Variants in CRPPA observed in about 807,000 individuals in gnomAD.
The protein encoded by CRPPA is D-ribitol-5-phosphate cytidylyltransferase.
Under a neutral mutation model 52.0 loss-of-function variants are expected in CRPPA, and 43 were observed. That is an observed-to-expected ratio of 0.83 (90% CI 0.65 to 1.07). The LOEUF (loss-of-function observed/expected upper bound fraction) is 1.07. Ranked by LOEUF, CRPPA falls within the 50% of genes least tolerant of loss-of-function variation. The probability of loss-of-function intolerance (pLI) is 0.00; values close to 1 mark genes in which losing one functional copy is unlikely to be tolerated. For missense variants in CRPPA, 629 were observed against 551.7 expected (o/e 1.14, Z -1.40); for synonymous variants, 250 against 203.5 (o/e 1.23, Z -1.94).
intron 9 of CRPPA, among the ~76,000 whole-genome samples, chr7:16,203,752 A>C (rs1781909246): frequency 6.6e-6 from 1 of 152,180 alleles, no homozygotes; most frequent in Non-Finnish European, 1.5e-5. Context: ...TTTGCCATTA[A>C]GAAGTCCCAA....
chr7:16,112,718 G>C (rs1360862932), intron 9 of CRPPA, among the ~76,000 whole-genome samples: 2 of 152,136 alleles, frequency 1.3e-5, no homozygotes, highest in African/African-American at 4.8e-5. Context: ...GGGGGGAACT[G>C]TTTAGAAACT....
rs1275686776 is a variant in CRPPA, at chr7:16,133,669, C to T, written c.1252-41870G>A. Among the ~76,000 whole-genome samples, 2 of 123,758 alleles carry T rather than the reference C, an allele frequency of 1.6e-5. 1 individual carries two copies. The highest frequency in any genetic ancestry group is 5.2e-5 in the African/African-American group (2 of 38,196). The allele number at this position is 123,758 out of a possible 152,430, so 81.2% of individuals were successfully genotyped here. ...GTTTAGTCTAATACTGTAAACCTTGCATAACACCATGGGAGCCATACAAAG... is the reference window on the plus strand; with the variant it reads ...GTTTAGTCTAATACTGTAAACCTTGTATAACACCATGGGAGCCATACAAAG... On this transcript the variant is annotated intron_variant, in intron 9 of 9. Transcript: ENST00000407010.
At chr7:16,347,743 G>A (rs1786051641) in intron 3 of CRPPA, among the ~76,000 whole-genome samples, 1 of 152,164 alleles carries the variant, frequency 6.6e-6, no homozygotes, top group Admixed American at 6.5e-5. Context: ...CTCAGGCACA[G>A]ATTCTTCCAT....
At chr7:16,358,643 T>C (rs1786366394) in intron 3 of CRPPA, among the ~76,000 whole-genome samples, 1 of 152,182 alleles carries the variant, frequency 6.6e-6, no homozygotes, top group South Asian at 2.1e-4. Flanking sequence ...TGAAGAATAC[T>C]ATAAGCAGAA....
chr7:16,399,204 A>G (rs1787717415), intron 2 of CRPPA, among the ~76,000 whole-genome samples: 1 of 152,222 alleles, frequency 6.6e-6, no homozygotes, highest in Non-Finnish European at 1.5e-5. Context: ...TGACATGACC[A>G]ACACATTTGT....
At chr7:16,255,621 A>C (rs1289616626) in intron 8 of CRPPA, among the ~76,000 whole-genome samples, 1 of 152,028 alleles carries the variant, frequency 6.6e-6, no homozygotes. Context: ...CAGAACAGAG[A>C]CCTCAGAAAT....
rs1190791690 is a variant in CRPPA, at chr7:16,089,484, CG to C, written c.*2210del. 3.3e-6 allele frequency: 1 copy of C among 299,196 alleles called. No individual in the cohort carries two copies. The highest frequency in any genetic ancestry group is 2.2e-5 in the African/African-American group (1 of 45,642). 18.5% of individuals were successfully genotyped at this position (299,196 alleles called of 1,614,324 possible). A position where few individuals can be genotyped will look rare whatever the true frequency, so the allele number is the denominator to read the frequency against. Reference sequence around the variant, plus strand: ...GTGTATATATGTACGTACATATATACGGGTATATATGTACGTACATACATAG... The same window carrying C: ...GTGTATATATGTACGTACATATATACGGTATATATGTACGTACATACATAG... On this transcript the variant is annotated 3_prime_UTR_variant, in exon 10 of 10. Coordinates refer to ENST00000407010, the MANE Select transcript of CRPPA (RefSeq NM_001101426.4).
intron 9 of CRPPA, among the ~76,000 whole-genome samples, chr7:16,093,758 T>C (rs1781883984): frequency 6.6e-6 from 1 of 152,188 alleles, no homozygotes; most frequent in Non-Finnish European, 1.5e-5. Flanking sequence ...AACATATAAA[T>C]AAATATTCTA....
chr7:16,164,809 C>A (rs1781015271), intron 9 of CRPPA, among the ~76,000 whole-genome samples: 1 of 152,200 alleles, frequency 6.6e-6, no homozygotes, highest in South Asian at 2.1e-4. Context: ...ACTACAGACA[C>A]TGTTTGCCCA....
chr7:16,399,673 G>A (rs1256397576), intron 2 of CRPPA, among the ~76,000 whole-genome samples: 8 of 151,784 alleles, frequency 5.3e-5, no homozygotes, highest in East Asian at 1.9e-4. Flanking sequence ...CGTGGCCGAC[G>A]CATGACCAGT....
At position 16,184,853 on chromosome 7, in the gene CRPPA, T is replaced by C. The variant is rs141356607; in HGVS notation, c.1251+31213A>G. 8.7e-4 allele frequency among the ~76,000 whole-genome samples: 132 copies of C among 152,308 alleles called. 3 individuals carry two copies. In the East Asian group the frequency reaches 0.021, roughly 24 times the overall value. On this transcript the variant is annotated intron_variant, in intron 9 of 9. Coordinates refer to ENST00000407010, the MANE Select transcript of CRPPA (RefSeq NM_001101426.4). The stretch of plus-strand genomic sequence containing the variant: ...ATATTTCCCATGTTTCTCATAATCG[T>C]CGTTAGTGATTTTTAATAAACTCAT...
intron 2 of CRPPA, among the ~76,000 whole-genome samples, chr7:16,389,923 AAAAAAATATATATATATAT>A (rs2128314621): frequency 1.2e-5 from 1 of 81,078 alleles, no homozygotes; most frequent in Middle Eastern, 5.2e-3. Flanking sequence ...CAAAAAAAAA[AAAAAAATATATATATATAT>A]ATATATATAT....
intron 2 of CRPPA, among the ~76,000 whole-genome samples, chr7:16,381,146 C>G (rs77560349): frequency 6.7e-4 from 102 of 152,286 alleles, no homozygotes; most frequent in African/African-American, 2.3e-3. Context: ...AAATTTCCCT[C>G]TACACACTGC....
intron 9 of CRPPA, among the ~76,000 whole-genome samples, chr7:16,201,353 T>C (rs1161313566): frequency 6.6e-6 from 1 of 151,976 alleles, no homozygotes; most frequent in Non-Finnish European, 1.5e-5. Flanking sequence ...TAAACCAGAG[T>C]GAGAACCTCC....
At chr7:16,368,824 C>T (rs1396227440) in intron 3 of CRPPA, among the ~76,000 whole-genome samples, 1 of 152,046 alleles carries the variant, frequency 6.6e-6, no homozygotes, top group Non-Finnish European at 1.5e-5. Context: ...CGGATCTTTG[C>T]CCATACTTCC....
At chr7:16,347,975 G>T (rs560644769) in intron 3 of CRPPA, among the ~76,000 whole-genome samples, 2 of 152,250 alleles carry the variant, frequency 1.3e-5, no homozygotes, top group East Asian at 3.9e-4. Context: ...CTCATCCTCT[G>T]AGAGCAGTGC....
intron 6 of CRPPA, among the ~76,000 whole-genome samples, chr7:16,259,645 T>G (rs1385864489): frequency 6.6e-6 from 1 of 151,974 alleles, no homozygotes; most frequent in Non-Finnish European, 1.5e-5. Flanking sequence ...TCTAATTAGC[T>G]TCTTTTAAGA....
In CRPPA at chr7:16,090,049, C is replaced by G. The variant is rs1230810319; in HGVS notation, c.*1646G>C. 1 of 152,628 alleles carries G rather than the reference C, an allele frequency of 6.6e-6. No individual in the cohort carries two copies. Among genetic ancestry groups the G allele is most frequent in the Non-Finnish European group, 1.5e-5 (1 of 68,440 alleles). The allele number at this position is 152,628 out of a possible 1,614,324, so 9.5% of individuals were successfully genotyped here. ...CTGTGGTTTTCGTCACACACACAGC[C>G]GACATCTGAACAAAGGCACAGACAT... On this transcript the variant is annotated 3_prime_UTR_variant, in exon 10 of 10. Coordinates refer to ENST00000407010, the MANE Select transcript of CRPPA (RefSeq NM_001101426.4).
intron 3 of CRPPA, among the ~76,000 whole-genome samples, chr7:16,327,825 G>A (rs1333443898): frequency 6.6e-6 from 1 of 151,968 alleles, no homozygotes; most frequent in Admixed American, 6.6e-5. Flanking sequence ...GTAATAAAGG[G>A]GCAACATGCA....
Sources: allele counts gnomAD v4.1 joint callset (sites outside exome capture counted in the v4.1 genomes callset), GRCh38; gene constraint gnomAD v4.1.1; transcripts MANE v1.5; gene names NCBI Gene and HGNC (gene_info 2026-07-23, HGNC 2026-07-21).